CHN2: variants seen among roughly 807,000 people sequenced by gnomAD.
The protein encoded by CHN2 is chimerin 2.
A neutral mutation model predicts 56.3 loss-of-function variants in CHN2; 35 were observed. That is an observed-to-expected ratio of 0.62 (90% CI 0.47 to 0.82). The LOEUF is 0.82. CHN2 is among the 40% of genes least tolerant of loss of function. The probability of loss-of-function intolerance (pLI) is 0.00; values close to 1 mark genes in which losing one functional copy is unlikely to be tolerated. For missense variants in CHN2, 491 were observed against 580.5 expected (o/e 0.85, Z 1.58); for synonymous variants, 210 against 212.8 (o/e 0.99, Z 0.12).
intron 2 of CHN2, among the ~76,000 whole-genome samples, chr7:29,150,091 A>T (rs1483134488): frequency 6.6e-6 from 1 of 152,210 alleles, no homozygotes; most frequent in Non-Finnish European, 1.5e-5. Context: ...AACAAGATTT[A>T]AAACTGTCAG....
chr7:29,308,695 G>C (rs947598154), intron 1 of CHN2, among the ~76,000 whole-genome samples: 2 of 152,198 alleles, frequency 1.3e-5, no homozygotes, highest in African/African-American at 4.8e-5. Context: ...GGATGTGAAG[G>C]GCTGGGCATG....
chr7:29,379,975 A>C (rs1432189183), intron 3 of CHN2, among the ~76,000 whole-genome samples: 3 of 152,214 alleles, frequency 2.0e-5, no homozygotes, highest in Admixed American at 6.5e-5. Flanking sequence ...TGTAAAAAAA[A>C]AATTAATAGA....
At chr7:29,401,626 A>G (rs1010555416) in intron 6 of CHN2, among the ~76,000 whole-genome samples, 2 of 152,180 alleles carry the variant, frequency 1.3e-5, no homozygotes, top group African/African-American at 4.8e-5. Flanking sequence ...ATATGGGAGC[A>G]TTTCACTGAC....
intron 1 of CHN2, among the ~76,000 whole-genome samples, chr7:29,225,704 A>T (rs1368518475): frequency 6.6e-6 from 1 of 152,200 alleles, no homozygotes; most frequent in Non-Finnish European, 1.5e-5. Flanking sequence ...ATGAAGGTGC[A>T]AGGAGACTGG....
At chr7:29,252,487 C>T (rs1239419882) in intron 1 of CHN2, among the ~76,000 whole-genome samples, 12 of 149,890 alleles carry the variant, frequency 8.0e-5, no homozygotes, top group African/African-American at 2.4e-4. Context: ...TGCACCCGGC[C>T]GATTATACAG....
chr7:29,295,334 C>CAT (rs1431218853), intron 1 of CHN2, among the ~76,000 whole-genome samples: 1 of 151,836 alleles, frequency 6.6e-6, no homozygotes, highest in African/African-American at 2.4e-5. Context: ...CACACACACA[C>CAT]ACACACACAC....
chr7:29,446,466 C>T (rs1456423341), intron 6 of CHN2, among the ~76,000 whole-genome samples: 1 of 152,020 alleles, frequency 6.6e-6, no homozygotes, highest in Non-Finnish European at 1.5e-5. Flanking sequence ...AACAGTGATC[C>T]CTGAGAGTCT....
chr7:29,382,438 A>G (rs993002504), intron 3 of CHN2, among the ~76,000 whole-genome samples: 4 of 152,242 alleles, frequency 2.6e-5, no homozygotes, highest in African/African-American at 9.6e-5. Flanking sequence ...AGCATAAAGC[A>G]TCAAGGTGTG....
intron 1 of CHN2, among the ~76,000 whole-genome samples, chr7:29,301,545 C>G (rs568097414): frequency 6.6e-6 from 1 of 152,146 alleles, no homozygotes; most frequent in Non-Finnish European, 1.5e-5. Context: ...GAAGGGAGAA[C>G]CTGCTACATT....
intron 10 of CHN2, among the ~76,000 whole-genome samples, chr7:29,505,443 G>A (rs913852413): frequency 3.9e-5 from 6 of 152,150 alleles, no homozygotes; most frequent in African/African-American, 9.7e-5. Flanking sequence ...TTTGTAGTGT[G>A]GTATGTGAAA....
At chr7:29,357,896 C>G (rs774890842) in intron 2 of CHN2, among the ~76,000 whole-genome samples, 11 of 152,124 alleles carry the variant, frequency 7.2e-5, no homozygotes, top group Non-Finnish European at 1.5e-4. Context: ...AATTACCAAG[C>G]CTTTCTCTTT....
At chr7:29,252,689 G>A (rs1788727828) in intron 1 of CHN2, among the ~76,000 whole-genome samples, 1 of 110,576 alleles carries the variant, frequency 9.0e-6, no homozygotes, top group South Asian at 2.8e-4. Context: ...TCCGCTTCCC[G>A]GGTTCACGCC....
At chr7:29,374,284 G>A (rs1011586238) in intron 3 of CHN2, among the ~76,000 whole-genome samples, 5 of 152,000 alleles carry the variant, frequency 3.3e-5, no homozygotes, top group South Asian at 4.1e-4. Flanking sequence ...CTTGCTTTGG[G>A]TTTAGACCTG....
intron 2 of CHN2, among the ~76,000 whole-genome samples, chr7:29,151,330 A>G (rs1028878713): frequency 1.3e-5 from 2 of 152,186 alleles, no homozygotes; most frequent in Admixed American, 6.6e-5. Flanking sequence ...AAGTGAGCCT[A>G]TACTCCTTTG....
chr7:29,441,736 C>T, intron 6 of CHN2, among the ~76,000 whole-genome samples: 1 of 152,152 alleles, frequency 6.6e-6, no homozygotes, highest in African/African-American at 2.4e-5. Context: ...GATATTACCT[C>T]ACACACCCTA....
chr7:29,458,494 T>C lies in CHN2; in HGVS notation c.577-21785T>C, dbSNP rs141008642. 7.8e-4 allele frequency among the ~76,000 whole-genome samples: 119 copies of C among 152,270 alleles called. 1 individual carries two copies. The highest frequency in any genetic ancestry group is 2.7e-3 in the African/African-American group (114 of 41,542). ...TGTTCTCCAATATTATATAATTATC[T>C]GTTTATGTGTCTCACCCCTGCCCCC... On this transcript the variant is annotated intron_variant, in intron 6 of 12. Coordinates refer to ENST00000222792, the MANE Select transcript of CHN2 (RefSeq NM_004067.4).
chr7:29,301,573 T>C (rs1204751874), intron 1 of CHN2, among the ~76,000 whole-genome samples: 3 of 152,200 alleles, frequency 2.0e-5, no homozygotes, highest in Non-Finnish European at 4.4e-5. Flanking sequence ...GTTGGAGATC[T>C]GGACTCCAGG....
intron 1 of CHN2, among the ~76,000 whole-genome samples, chr7:29,296,084 A>ATT (rs11367150): frequency 2.8e-5 from 4 of 145,356 alleles, no homozygotes; most frequent in Non-Finnish European, 4.6e-5. Context: ...TGTAATCACC[A>ATT]TTTTTTTTTT....
intron 9 of CHN2, among the ~76,000 whole-genome samples, chr7:29,504,267 T>A (rs1421397473): frequency 6.6e-6 from 1 of 152,144 alleles, no homozygotes; most frequent in Admixed American, 6.5e-5. Context: ...AGGTACCCCA[T>A]TTGCGCTGCT....
Sources: allele counts gnomAD v4.1 joint callset (sites outside exome capture counted in the v4.1 genomes callset), GRCh38; gene constraint gnomAD v4.1.1; transcripts MANE v1.5; gene names NCBI Gene and HGNC (gene_info 2026-07-23, HGNC 2026-07-21).